The following FLRT2 variants were observed in gnomAD, a reference collection of about 807,000 sequenced individuals.
The protein encoded by FLRT2 is fibronectin leucine rich transmembrane protein 2.
Under a neutral mutation model 40.0 loss-of-function variants are expected in FLRT2, and 15 were observed. The observed-to-expected ratio is 0.38, with a 90% CI of 0.25 to 0.58. FLRT2 has a LOEUF of 0.58. FLRT2 is among the 20% of genes least tolerant of loss of function. The probability of loss-of-function intolerance (pLI) is 0.71; values close to 1 mark genes in which losing one functional copy is unlikely to be tolerated. For missense variants in FLRT2, 726 were observed against 840.0 expected (o/e 0.86, Z 1.68); for synonymous variants, 380 against 336.8 (o/e 1.13, Z -1.41).
At chr14:85,611,887 AG>A (rs1892881205) in intron 1 of FLRT2, among the ~76,000 whole-genome samples, 3 of 64,816 alleles carry the variant, frequency 4.6e-5, no homozygotes, top group Non-Finnish European at 1.5e-4. Flanking sequence ...ATGTGAGGGG[AG>A]AGAGAGAGAG....
intron 1 of FLRT2, among the ~76,000 whole-genome samples, chr14:85,532,958 C>T (rs1888376724): frequency 6.6e-6 from 1 of 152,150 alleles, no homozygotes; most frequent in African/African-American, 2.4e-5. Context: ...GTGGTAGGAA[C>T]GGCATGTGCC....
At position 85,621,483 on chromosome 14, in the gene FLRT2, AC is replaced by A; in HGVS notation, c.-30del. On this transcript the variant is annotated 5_prime_UTR_variant, in exon 2 of 2. Coordinates refer to ENST00000330753, the MANE Select transcript of FLRT2 (RefSeq NM_013231.6). ...TTTTTTTTTTCTTTTTCTTTTTCCCACCACATTGTATTTTATTTCCGTACTT... is the reference window on the plus strand; with the variant it reads ...TTTTTTTTTTCTTTTTCTTTTTCCCACACATTGTATTTTATTTCCGTACTT... 6.5e-7 allele frequency: 1 copy of A among 1,534,916 alleles called. No individual in the cohort carries two copies. Among genetic ancestry groups the A allele is most frequent in the South Asian group, 1.2e-5 (1 of 80,498 alleles).
chr14:85,618,023 G>C (rs1305673092), intron 1 of FLRT2, among the ~76,000 whole-genome samples: 1 of 152,204 alleles, frequency 6.6e-6, no homozygotes, highest in Non-Finnish European at 1.5e-5. Context: ...TGGGGGCAAA[G>C]GGTTGGCTGA....
At position 85,637,595 on chromosome 14, in the gene FLRT2, C is replaced by A. The variant is rs1894041005; in HGVS notation, c.*14098C>A. On this transcript the variant is annotated 3_prime_UTR_variant, in exon 2 of 2. Transcript: ENST00000330753. ...GTGATTTTCCATGCTCCTGCAATGA[C>A]AGCAAATTTCCCCCAGTCTGCTCTT... The A allele has an allele frequency of 6.6e-6, 1 of 152,070 alleles. No individual in the cohort carries two copies. Among genetic ancestry groups the A allele is most frequent in the Non-Finnish European group, 1.5e-5 (1 of 67,926 alleles). 9.4% of individuals were successfully genotyped at this position (152,070 alleles called of 1,614,324 possible).
chr14:85,602,293 A>C (rs1892410274), intron 1 of FLRT2, among the ~76,000 whole-genome samples: 5 of 152,202 alleles, frequency 3.3e-5, no homozygotes, highest in Admixed American at 3.3e-4. Flanking sequence ...AGTTTCTCAA[A>C]GTAACCATTT....
In FLRT2 at chr14:85,622,828, A is replaced by C. The variant is rs1227024686; in HGVS notation, c.1314A>C (p.Gln438His). The part of the protein sequence containing the change: ...SIHFVNDTSI[Q>H]VSWLSLFTVM... ...ATTTTGTGAATGATACTTCCATTCA[A>C]GTCAGCTGGCTCTCTCTCTTCACCG... The change falls in exon 2 of 2, where the codon CAA (glutamine) becomes CAC (histidine). Residue 438 changes from glutamine (Q) to histidine (H), a missense_variant. Around this residue, in one of 3 missense-constraint regions of FLRT2, gnomAD observed 611 missense variants for 690.0 expected, o/e 0.89. Coordinates refer to ENST00000330753, the MANE Select transcript of FLRT2 (RefSeq NM_013231.6). 1.9e-6 allele frequency: 3 copies of C among 1,614,188 alleles called. No individual in the cohort carries two copies. In the East Asian group the frequency reaches 6.7e-5, roughly 36 times the overall value.
In FLRT2 at chr14:85,572,887, G is replaced by A. The variant is rs552289034; in HGVS notation, c.-377+42353G>A. On this transcript the variant is annotated intron_variant, in intron 1 of 1. Coordinates refer to ENST00000330753, the MANE Select transcript of FLRT2 (RefSeq NM_013231.6). ...GTAGCCTGTCCAGATCTTATGGCCTGTGGAACCTGGATTTGAACACAAGTC... is the reference window on the plus strand; with the variant it reads ...GTAGCCTGTCCAGATCTTATGGCCTATGGAACCTGGATTTGAACACAAGTC... Among the ~76,000 whole-genome samples, 3 of 152,254 alleles carry A rather than the reference G, an allele frequency of 2.0e-5. No individual in the cohort carries two copies. In the South Asian group the frequency reaches 6.2e-4, roughly 32 times the overall value.
intron 1 of FLRT2, among the ~76,000 whole-genome samples, chr14:85,591,089 G>C (rs996558240): frequency 1.3e-5 from 2 of 152,078 alleles, no homozygotes; most frequent in Admixed American, 1.3e-4. Flanking sequence ...GACTTTGGAG[G>C]GTAGCATGAT....
At chr14:85,599,606 G>A (rs1272826712) in intron 1 of FLRT2, among the ~76,000 whole-genome samples, 1 of 152,022 alleles carries the variant, frequency 6.6e-6, no homozygotes, top group African/African-American at 2.4e-5. Context: ...GTCAGACAGC[G>A]CCATGTACAA....
intron 1 of FLRT2, among the ~76,000 whole-genome samples, chr14:85,572,035 T>C (rs887990324): frequency 2.6e-5 from 4 of 152,212 alleles, no homozygotes; most frequent in Non-Finnish European, 4.4e-5. Flanking sequence ...CATAAAATGT[T>C]GAGAACCCCC....
At chr14:85,540,415 G>T (rs952290950) in intron 1 of FLRT2, among the ~76,000 whole-genome samples, 1 of 152,064 alleles carries the variant, frequency 6.6e-6, no homozygotes, top group African/African-American at 2.4e-5. Context: ...TTTTACTATT[G>T]TCAAATCTGA....
intron 1 of FLRT2, among the ~76,000 whole-genome samples, chr14:85,556,996 A>C: frequency 6.6e-6 from 1 of 152,220 alleles, no homozygotes; most frequent in South Asian, 2.1e-4. Flanking sequence ...AGAAGCAGAA[A>C]CCCCTGATAA....
chr14:85,641,080 G>A lies in FLRT2; in HGVS notation c.*17583G>A, dbSNP rs1323770723. The stretch of plus-strand genomic sequence containing the variant: ...TCTAATCCCTTCCACAAAGTATTTA[G>A]TCTATGACTTATTTCTGCGAAAACC... On this transcript the variant is annotated 3_prime_UTR_variant, in exon 2 of 2. Coordinates refer to ENST00000330753, the MANE Select transcript of FLRT2 (RefSeq NM_013231.6). The A allele has an allele frequency of 6.6e-6, 1 of 152,154 alleles. No homozygotes were observed. The allele number at this position is 152,154 out of a possible 1,614,324, so 9.4% of individuals were successfully genotyped here. A position where few individuals can be genotyped will look rare whatever the true frequency, so the allele number is the denominator to read the frequency against.
At chr14:85,556,812 C>G (rs1889988869) in intron 1 of FLRT2, among the ~76,000 whole-genome samples, 1 of 152,096 alleles carries the variant, frequency 6.6e-6, no homozygotes, top group Non-Finnish European at 1.5e-5. Context: ...ATTTCTGTAC[C>G]TTTTGTGATA....
chr14:85,599,219 CTTTTTT>C (rs67876387), intron 1 of FLRT2, among the ~76,000 whole-genome samples: 185 of 129,308 alleles, frequency 1.4e-3, no homozygotes, highest in African/African-American at 1.7e-3. Context: ...TGCGCCTGGC[CTTTTTT>C]TTTTTTTTTT....
intron 1 of FLRT2, among the ~76,000 whole-genome samples, chr14:85,580,214 G>T (rs1253262721): frequency 1.3e-5 from 2 of 152,162 alleles, no homozygotes; most frequent in Non-Finnish European, 1.5e-5. Flanking sequence ...TAGCAGGTGG[G>T]TGTCTGCTGG....
Position 85,623,158 on chromosome 14 carries a change from G to C in FLRT2, c.1644G>C (p.Gly548=). ...GSPFLLAGLI[G]GAVIFVLVVL... is the part of the protein sequence containing the mutation. ...CCTTTCTGCTGGCGGGCTTGATCGG[G>C]GGCGCGGTGATATTTGTGCTGGTGG... Residue 548 remains glycine, a synonymous_variant, in exon 2 of 2, where the codon GGG becomes GGC. Coordinates refer to ENST00000330753, the MANE Select transcript of FLRT2 (RefSeq NM_013231.6). The C allele has an allele frequency of 1.3e-6, 2 of 1,584,852 alleles. No homozygotes were observed. The highest frequency in any genetic ancestry group is 1.2e-5 in the South Asian group (1 of 86,430).
chr14:85,569,703 C>T (rs2139859130), intron 1 of FLRT2, among the ~76,000 whole-genome samples: 1 of 152,238 alleles, frequency 6.6e-6, no homozygotes. Context: ...TTTAGCAGAG[C>T]TAATAAAAAA....
At chr14:85,610,592 C>T (rs1417640655) in intron 1 of FLRT2, among the ~76,000 whole-genome samples, 1 of 152,204 alleles carries the variant, frequency 6.6e-6, no homozygotes, top group African/African-American at 2.4e-5. Context: ...CTGAGACACA[C>T]CAGTCTTTCA....
Sources: allele counts gnomAD v4.1 joint callset (sites outside exome capture counted in the v4.1 genomes callset), GRCh38; gene constraint gnomAD v4.1.1; regional missense constraint gnomAD v4.1.1; transcripts MANE v1.5; gene names NCBI Gene and HGNC (gene_info 2026-07-23, HGNC 2026-07-21).